Variants in ITGAE observed in about 807,000 individuals in gnomAD.
ITGAE encodes the protein integrin alpha-E.
ITGAE carries 99 observed loss-of-function variants against 136.5 expected under a neutral mutation model. That is an observed-to-expected ratio of 0.73 (90% CI 0.62 to 0.86). The LOEUF (loss-of-function observed/expected upper bound fraction) is 0.86. Ranked by LOEUF, ITGAE falls within the 40% of genes least tolerant of loss-of-function variation. The probability of loss-of-function intolerance (pLI) is 0.00; values close to 1 mark genes in which losing one functional copy is unlikely to be tolerated. For synonymous variants in ITGAE, 613 were observed against 591.8 expected (o/e 1.04, Z -0.52); for missense variants, 1,447 against 1,515.3 (o/e 0.95, Z 0.75).
At position 3,764,671 on chromosome 17, in the gene ITGAE, TG is replaced by T. The variant is rs537587805; in HGVS notation, c.156-712del. Among the ~76,000 whole-genome samples the T allele has an allele frequency of 1.7e-3, 255 of 152,238 alleles. 1 individual carries two copies. The highest frequency in any genetic ancestry group is 3.2e-3 in the Non-Finnish European group (220 of 68,012). ...GAGATCACGCCACTGCACTCCAGCC[TG>T]GGGGACAGAGTGTGACTTCGTCTCA... On this transcript the variant is annotated intron_variant, in intron 2 of 30. Coordinates refer to ENST00000263087, the MANE Select transcript of ITGAE (RefSeq NM_002208.5).
chr17:3,734,687 A>T, intron 21 of ITGAE, 130 bp downstream of exon 21: 1 of 1,119,774 alleles, frequency 8.9e-7, no homozygotes, highest in Non-Finnish European at 1.3e-6. Context: ...TCTAGTTATT[A>T]ACCATCTGTT....
chr17:3,798,357 G>A lies in ITGAE; in HGVS notation c.34+2754C>T, dbSNP rs1478948629. ...GGCCCAGCATGTCCCGATTTGGGGC[G>A]GGGCTGGAAGGGAAAGCAACACCAG... On this transcript the variant is annotated intron_variant, in intron 1 of 30. Coordinates refer to ENST00000263087, the MANE Select transcript of ITGAE (RefSeq NM_002208.5). This position sits in a 1 kb window ranked among gnomAD's most constrained non-coding sequence, Gnocchi z 4.3. Among the ~76,000 whole-genome samples, 1 of 152,168 alleles carries A rather than the reference G, an allele frequency of 6.6e-6. No individual in the cohort carries two copies. Among genetic ancestry groups the A allele is most frequent in the Non-Finnish European group, 1.5e-5 (1 of 68,028 alleles).
Position 3,748,001 on chromosome 17 carries a change from T to C in ITGAE, c.2076A>G (p.Ala692=). 1.2e-6 allele frequency: 2 copies of C among 1,612,688 alleles called. No homozygotes were observed. Among genetic ancestry groups the C allele is most frequent in the East Asian group, 2.2e-5 (1 of 44,810 alleles). ...LKVSMAFTPS[A]LPIGFNGVVN... The stretch of plus-strand genomic sequence containing the variant: ...CGACGCCGTTGAAGCCGATGGGCAG[T>C]GCGCTGGGGGTGAAGGCCATGGAGA... The change falls in exon 17 of 31, where the codon GCA becomes GCG. Residue 692 remains alanine (A), a synonymous_variant. Coordinates refer to ENST00000263087, the MANE Select transcript of ITGAE (RefSeq NM_002208.5).
chr17:3,777,495 G>A, intron 2 of ITGAE, 45 bp downstream of exon 2: 1 of 1,560,342 alleles, frequency 6.4e-7, no homozygotes, highest in East Asian at 2.3e-5. Flanking sequence ...AGATTGCCTG[G>A]AAGCCCCTCA....
At chr17:3,778,758 A>T (rs1328392921) in intron 1 of ITGAE, among the ~76,000 whole-genome samples, 1 of 152,196 alleles carries the variant, frequency 6.6e-6, no homozygotes, top group Non-Finnish European at 1.5e-5. Context: ...TGAAGAAATC[A>T]TTGGTACTGG....
intron 1 of ITGAE, among the ~76,000 whole-genome samples, chr17:3,788,772 AAAT>A (rs1180286136): frequency 1.4e-5 from 2 of 146,292 alleles, no homozygotes; most frequent in Non-Finnish European, 3.0e-5. Flanking sequence ...ATAATTATTA[AAAT>A]AATTATTTAA....
intron 16 of ITGAE, among the ~76,000 whole-genome samples, chr17:3,750,085 A>G (rs1262724959): frequency 2.6e-5 from 4 of 152,228 alleles, no homozygotes; most frequent in Non-Finnish European, 5.9e-5. Flanking sequence ...AATACTTTGT[A>G]TATATTCGCT....
At chr17:3,762,015 G>T (rs1314613452) in intron 3 of ITGAE, 33 bp from the exon 4 acceptor site, 2 of 1,592,096 alleles carry the variant, frequency 1.3e-6, no homozygotes, top group South Asian at 2.2e-5. Flanking sequence ...AGGAGGAGGA[G>T]GGGACTCTGG....
intron 2 of ITGAE, among the ~76,000 whole-genome samples, chr17:3,774,420 G>T (rs1037793786): frequency 2.6e-5 from 4 of 151,990 alleles, no homozygotes; most frequent in African/African-American, 7.3e-5. Context: ...ACAGCAATAC[G>T]TAATACATAA....
At chr17:3,727,122 A>T (rs988559548) in intron 26 of ITGAE, among the ~76,000 whole-genome samples, 1 of 152,100 alleles carries the variant, frequency 6.6e-6, no homozygotes, top group Non-Finnish European at 1.5e-5. Flanking sequence ...GAGCAAAAAA[A>T]AAATGCCCAG....
In ITGAE at chr17:3,751,870, C is replaced by CCAT; in HGVS notation, c.1670_1672dup (p.Asp557dup). 6 of 1,613,660 alleles carry CCAT rather than the reference C, an allele frequency of 3.7e-6. No homozygotes were observed. Among genetic ancestry groups the CCAT allele is most frequent in the Non-Finnish European group, 5.1e-6 (6 of 1,179,618 alleles). On this transcript the variant is annotated inframe_insertion, in exon 15 of 31. Transcript: ENST00000263087. Reference sequence around the variant, plus strand: ...CAGTATGCGTGCCAAGGAGAAAGAACCATCCTGTAAAGCAAACAAACAGCT... The same window carrying CCAT: ...CAGTATGCGTGCCAAGGAGAAAGAACCATCATCCTGTAAAGCAAACAAACAGCT...
Position 3,785,970 on chromosome 17 carries a change from G to A in ITGAE, c.35-8310C>T, listed in dbSNP as rs372846505. Among the ~76,000 whole-genome samples the A allele has an allele frequency of 4.6e-3, 703 of 151,694 alleles. 4 individuals are homozygous for A. The highest frequency in any genetic ancestry group is 0.012 in the African/African-American group (485 of 41,340). On this transcript the variant is annotated intron_variant, in intron 1 of 30. Coordinates refer to ENST00000263087, the MANE Select transcript of ITGAE (RefSeq NM_002208.5). ...ATCACGAGGCCAGGAGATCGAGACC[G>A]TCCTGGCTAACACGGTGAAACCCCG...
At chr17:3,757,910 G>A (rs1489574030) in intron 8 of ITGAE, 51 bp from the exon 9 acceptor site, 3 of 1,591,424 alleles carry the variant, frequency 1.9e-6, no homozygotes, top group African/African-American at 1.3e-5. Flanking sequence ...AAGGATGACC[G>A]AGCTCCAGGA....
chr17:3,723,312 C>G lies in ITGAE; in HGVS notation c.3213G>C (p.Glu1071Asp). The G allele has an allele frequency of 1.9e-6, 3 of 1,613,150 alleles. No homozygotes were observed. Among genetic ancestry groups the G allele is most frequent in the Non-Finnish European group, 2.5e-6 (3 of 1,179,066 alleles). The change falls in exon 28 of 31, where the codon GAG becomes GAC. Residue 1071 changes from glutamate (E) to aspartate (D), a missense_variant. By Grantham distance (45) the Glu-to-Asp change is conservative. Transcript: ENST00000263087. ...CCTCCTCAGAGTGATCCCAGGAGAT[C>G]TCTGCAGCCACGGTGACATTTTCTT... ...SDKENVTVAA[E>D]ISWDHSEELL...
At chr17:3,744,567 C>T (rs1035816430) in intron 18 of ITGAE, among the ~76,000 whole-genome samples, 17 of 151,794 alleles carry the variant, frequency 1.1e-4, no homozygotes, top group Admixed American at 1.1e-3. Context: ...GCCTCAGTCT[C>T]CCAAGTAGCT....
intron 20 of ITGAE, 77 bp from the exon 21 acceptor site, chr17:3,735,026 C>A: frequency 6.5e-7 from 1 of 1,535,742 alleles, no homozygotes. Flanking sequence ...AGGACATTCA[C>A]CGAGGCTAGA....
At chr17:3,736,024 A>G (rs1468530101) in intron 20 of ITGAE, among the ~76,000 whole-genome samples, 1 of 152,128 alleles carries the variant, frequency 6.6e-6, no homozygotes, top group Non-Finnish European at 1.5e-5. Context: ...GGTGCCTGTA[A>G]TCCCAGCTAC....
chr17:3,736,501 G>A (rs2051462172), intron 20 of ITGAE, among the ~76,000 whole-genome samples: 1 of 152,104 alleles, frequency 6.6e-6, no homozygotes, highest in African/African-American at 2.4e-5. Context: ...AGAACAGTGT[G>A]CATAAGACAT....
chr17:3,734,807 TCA>T lies in ITGAE; in HGVS notation c.2655+8_2655+9del. On this transcript the variant is annotated splice_region_variant and intron_variant, in intron 21 of 30. Transcript: ENST00000263087. ...GAGGGACCTGTTTCCACAGCCACCG[TCA>T]CAGTCACCTTTTGCATCCTCTTCAA... 6.2e-7 allele frequency: 1 copy of T among 1,614,032 alleles called. No individual in the cohort carries two copies. The highest frequency in any genetic ancestry group is 8.5e-7 in the Non-Finnish European group (1 of 1,179,936).
Sources: allele counts gnomAD v4.1 joint callset (sites outside exome capture counted in the v4.1 genomes callset), GRCh38; gene constraint gnomAD v4.1.1; non-coding constraint Gnocchi (gnomAD v3.1); transcripts MANE v1.5; gene names NCBI Gene and HGNC (gene_info 2026-07-23, HGNC 2026-07-21).